The following DCHS2 variants were observed in gnomAD, a reference collection of about 807,000 sequenced individuals.
The protein encoded by DCHS2 is protocadherin-23.
In DCHS2, 142 loss-of-function variants were observed where a neutral mutation model predicts 182.4. The ratio of observed to expected loss-of-function variants is 0.78; its 90% CI spans 0.68 to 0.89. DCHS2 has a LOEUF of 0.89. DCHS2 is among the 40% of genes least tolerant of loss of function. The pLI is 0.00. For missense variants in DCHS2, 4,319 were observed against 4,198.6 expected, an observed-to-expected ratio of 1.03 and a Z score of -0.79; for synonymous variants, 1,740 against 1,663.3, an observed-to-expected ratio of 1.05 and a Z score of -1.12.
At chr4:154,441,362 C>G (rs573950451) in intron 1 of DCHS2, among the ~76,000 whole-genome samples, 3 of 152,248 alleles carry the variant, frequency 2.0e-5, no homozygotes, top group African/African-American at 4.8e-5. Flanking sequence ...TTACACAGTT[C>G]ATGAATTAAT....
chr4:154,301,115 A>G (rs1735181334), intron 12 of DCHS2, among the ~76,000 whole-genome samples: 1 of 152,192 alleles, frequency 6.6e-6, no homozygotes, highest in African/African-American at 2.4e-5. Flanking sequence ...TTGCAAATTA[A>G]AAAAGAAAGT....
chr4:154,301,410 G>C (rs575957734), intron 12 of DCHS2, among the ~76,000 whole-genome samples: 1 of 152,256 alleles, frequency 6.6e-6, no homozygotes, highest in South Asian at 2.1e-4. Flanking sequence ...GGTGAGCAAG[G>C]ATTTTCAGTT....
chr4:154,298,440 C>T lies in DCHS2; in HGVS notation c.5874G>A (p.Val1958=), dbSNP rs1456514589. ...GCCCATTCAGGCCTTCATCCTTGTCCACAGCTGAAAGCACAAGAACCACTG... is the reference window on the plus strand; with the variant it reads ...GCCCATTCAGGCCTTCATCCTTGTCTACAGCTGAAAGCACAAGAACCACTG... ...VGTVVLVLSA[V]DKDEGLNGQT... The change falls in exon 13 of 20, where the codon GTG becomes GTA. Residue 1958 remains valine (V), a synonymous_variant. Transcript: ENST00000357232. The T allele has an allele frequency of 6.2e-7, 1 of 1,614,022 alleles. No individual in the cohort carries two copies. The highest frequency in any genetic ancestry group is 1.3e-5 in the African/African-American group (1 of 74,926).
At chr4:154,392,876 G>A (rs1731770571) in intron 1 of DCHS2, among the ~76,000 whole-genome samples, 1 of 152,180 alleles carries the variant, frequency 6.6e-6, no homozygotes, top group African/African-American at 2.4e-5. Context: ...AGTTAGGAAT[G>A]TTTCTAACTT....
chr4:154,253,880 AAGT>A (rs966725054), intron 16 of DCHS2, among the ~76,000 whole-genome samples: 73 of 152,302 alleles, frequency 4.8e-4, no homozygotes, highest in African/African-American at 1.7e-3. Flanking sequence ...TAAAACATAA[AAGT>A]AGTCTGGTGT....
At chr4:154,437,427 C>G (rs895402699) in intron 1 of DCHS2, among the ~76,000 whole-genome samples, 1 of 152,142 alleles carries the variant, frequency 6.6e-6, no homozygotes. Flanking sequence ...ACAAAACAAG[C>G]CCAATCTAGG....
intron 3 of DCHS2, among the ~76,000 whole-genome samples, chr4:154,356,115 C>T (rs139825975): frequency 5.9e-5 from 9 of 152,116 alleles, no homozygotes; most frequent in Admixed American, 3.9e-4. Flanking sequence ...GACCTTCCAG[C>T]GGACAAGATG....
At chr4:154,375,677 T>C (rs1265722287) in intron 2 of DCHS2, among the ~76,000 whole-genome samples, 3 of 152,126 alleles carry the variant, frequency 2.0e-5, no homozygotes, top group Non-Finnish European at 4.4e-5. Context: ...GCATTAAATA[T>C]CAAACATTAG....
intron 14 of DCHS2, among the ~76,000 whole-genome samples, chr4:154,262,876 C>A (rs757902625): frequency 6.6e-5 from 10 of 152,120 alleles, no homozygotes; most frequent in Non-Finnish European, 1.3e-4. Context: ...ACATACAAAA[C>A]CTTAGTCAAG....
intron 1 of DCHS2, among the ~76,000 whole-genome samples, chr4:154,415,805 C>A (rs1187891472): frequency 3.9e-5 from 6 of 152,132 alleles, no homozygotes; most frequent in Admixed American, 3.9e-4. Context: ...CAAAAAGTGG[C>A]AGAACACTCT....
intron 1 of DCHS2, among the ~76,000 whole-genome samples, chr4:154,428,840 T>C (rs1323299546): frequency 6.6e-6 from 1 of 151,306 alleles, no homozygotes. Context: ...GAGGTGGAGG[T>C]TGCAGAGAGC....
At chr4:154,391,134 C>T (rs1356622431) in intron 1 of DCHS2, 29 of 1,585,772 alleles carry the variant, frequency 1.8e-5, no homozygotes, top group Non-Finnish European at 2.5e-5. Context: ...CTTATAAAAG[C>T]TGATACTTAT....
chr4:154,454,130 C>T (rs541683130), intron 1 of DCHS2, among the ~76,000 whole-genome samples: 50 of 68,380 alleles, frequency 7.3e-4, no homozygotes, highest in Non-Finnish European at 1.4e-3. Flanking sequence ...TACACACATG[C>T]GCGCGCACAC....
chr4:154,428,423 C>A (rs911268523), intron 1 of DCHS2, among the ~76,000 whole-genome samples: 23 of 151,938 alleles, frequency 1.5e-4, no homozygotes, highest in Non-Finnish European at 2.9e-4. Context: ...CCTGTGATTT[C>A]ATCTACTCAG....
At chr4:154,330,597 A>T (rs765579846) in intron 5 of DCHS2, among the ~76,000 whole-genome samples, 5 of 152,188 alleles carry the variant, frequency 3.3e-5, no homozygotes, top group Non-Finnish European at 5.9e-5. Context: ...ACCTGTGAGA[A>T]TGTGAGCATG....
At chr4:154,330,290 G>C (rs1366174410) in intron 5 of DCHS2, among the ~76,000 whole-genome samples, 2 of 152,192 alleles carry the variant, frequency 1.3e-5, no homozygotes, top group African/African-American at 4.8e-5. Flanking sequence ...TTAGGCAATA[G>C]TTCTTGTTTT....
At chr4:154,418,774 G>C (rs1016859351) in intron 1 of DCHS2, among the ~76,000 whole-genome samples, 16 of 152,190 alleles carry the variant, frequency 1.1e-4, no homozygotes, top group Non-Finnish European at 1.9e-4. Context: ...ATGTAATTAT[G>C]TAGGTATGAC....
At chr4:154,405,349 C>T (rs1284167322) in intron 1 of DCHS2, among the ~76,000 whole-genome samples, 2 of 151,158 alleles carry the variant, frequency 1.3e-5, no homozygotes, top group African/African-American at 4.8e-5. Flanking sequence ...TGTATTTTTC[C>T]TTTTATTTTC....
intron 7 of DCHS2, among the ~76,000 whole-genome samples, chr4:154,325,560 A>C (rs1231133280): frequency 6.6e-6 from 1 of 152,174 alleles, no homozygotes; most frequent in Non-Finnish European, 1.5e-5. Flanking sequence ...AAGACAACAA[A>C]AAGAGAAATT....
Sources: gnomAD v4.1 joint callset for allele counts (sites outside exome capture counted in the v4.1 genomes callset) on GRCh38, gnomAD v4.1.1 for gene constraint, MANE v1.5 for transcripts, NCBI Gene and HGNC (gene_info 2026-07-23, HGNC 2026-07-21) for gene names.